CDH12: variants seen among roughly 807,000 people sequenced by gnomAD.
The protein encoded by CDH12 is cadherin 12.
In CDH12, 41 loss-of-function variants were observed where a neutral mutation model predicts 74.1. The observed-to-expected ratio is 0.55, with a 90% CI of 0.43 to 0.72. CDH12 has a LOEUF of 0.72. Among genes scored for constraint, CDH12 ranks in the 30% least tolerant of loss-of-function variants. The probability of loss-of-function intolerance (pLI) is 0.00; values close to 1 mark genes in which losing one functional copy is unlikely to be tolerated. For missense variants in CDH12, 945 were observed against 977.2 expected, an observed-to-expected ratio of 0.97 and a Z score of 0.44; for synonymous variants, 399 against 355.0, an observed-to-expected ratio of 1.12 and a Z score of -1.39.
At chr5:22,287,025 A>G (rs1036184075) in intron 3 of CDH12, among the ~76,000 whole-genome samples, 2 of 152,172 alleles carry the variant, frequency 1.3e-5, no homozygotes, top group African/African-American at 4.8e-5. Flanking sequence ...AGTTGAACAA[A>G]TGTTCCAATG....
intron 1 of CDH12, among the ~76,000 whole-genome samples, chr5:22,735,972 T>A (rs1003268494): frequency 6.6e-6 from 1 of 151,964 alleles, no homozygotes; most frequent in Non-Finnish European, 1.5e-5. Context: ...ACAAATATTA[T>A]TTTGGAATAA....
At chr5:22,120,318 T>C (rs1745432038) in intron 4 of CDH12, among the ~76,000 whole-genome samples, 1 of 152,124 alleles carries the variant, frequency 6.6e-6, no homozygotes, top group Admixed American at 6.6e-5. Context: ...CAAATATACA[T>C]ATTCAGTGGA....
intron 1 of CDH12, among the ~76,000 whole-genome samples, chr5:22,776,675 T>C (rs573298969): frequency 3.9e-5 from 6 of 152,302 alleles, no homozygotes; most frequent in African/African-American, 1.4e-4. Flanking sequence ...AGAACTGTGA[T>C]AAAGACGAGT....
intron 11 of CDH12, among the ~76,000 whole-genome samples, chr5:21,776,214 T>C (rs1329697469): frequency 1.3e-5 from 2 of 152,180 alleles, no homozygotes; most frequent in African/African-American, 4.8e-5. Context: ...CAGTGTGGAA[T>C]AGTTGCTCGT....
chr5:21,960,859 A>C (rs1374574630), intron 6 of CDH12, among the ~76,000 whole-genome samples: 1 of 152,110 alleles, frequency 6.6e-6, no homozygotes, highest in African/African-American at 2.4e-5. Flanking sequence ...ACAAATGTAC[A>C]TATTTAATCA....
At chr5:22,011,205 G>C (rs1737275392) in intron 5 of CDH12, among the ~76,000 whole-genome samples, 1 of 151,974 alleles carries the variant, frequency 6.6e-6, no homozygotes, top group Non-Finnish European at 1.5e-5. Context: ...TCTGGATACT[G>C]GAAATTCTTC....
At chr5:22,640,933 G>A (rs1327251503) in intron 1 of CDH12, among the ~76,000 whole-genome samples, 1 of 152,118 alleles carries the variant, frequency 6.6e-6, no homozygotes, top group African/African-American at 2.4e-5. Context: ...TATTTTAAGA[G>A]CCTCCACTTG....
At chr5:21,872,807 T>G (rs943909403) in intron 6 of CDH12, among the ~76,000 whole-genome samples, 22 of 151,718 alleles carry the variant, frequency 1.5e-4, no homozygotes, top group Admixed American at 3.3e-4. Context: ...TCTATCTATC[T>G]ATCTATCTAT....
intron 1 of CDH12, among the ~76,000 whole-genome samples, chr5:22,745,369 A>G (rs769504544): frequency 6.6e-6 from 1 of 152,180 alleles, no homozygotes; most frequent in Non-Finnish European, 1.5e-5. Flanking sequence ...TTGAAGTTAT[A>G]TAATCTAAAG....
intron 1 of CDH12, among the ~76,000 whole-genome samples, chr5:22,627,445 T>TA (rs34379996): frequency 0.49 from 70,583 of 144,812 alleles, 16,975 homozygotes; most frequent in Admixed American, 0.57. Flanking sequence ...TCACTATTAT[T>TA]AAAAAAAAAA....
At chr5:22,330,445 G>T (rs1269949746) in intron 3 of CDH12, among the ~76,000 whole-genome samples, 1 of 152,004 alleles carries the variant, frequency 6.6e-6, no homozygotes, top group African/African-American at 2.4e-5. Flanking sequence ...TATGGTGAAA[G>T]ACTCCCTATA....
intron 4 of CDH12, among the ~76,000 whole-genome samples, chr5:22,193,379 T>G (rs1465395267): frequency 6.6e-6 from 1 of 152,354 alleles, no homozygotes; most frequent in South Asian, 2.1e-4. Context: ...GCTATGAATG[T>G]TAGATGATGG....
At chr5:22,028,836 G>A (rs138410743) in intron 5 of CDH12, among the ~76,000 whole-genome samples, 2,719 of 152,260 alleles carry the variant, frequency 0.018, 40 homozygotes, top group African/African-American at 0.04. Flanking sequence ...AAAGCTGGAG[G>A]CATCACGCTA....
rs752645141 is a variant in CDH12 at position 21,752,003 on chromosome 5, T to C, written c.2119A>G (p.Met707Val). Residue 707 changes from methionine to valine, a missense_variant, in exon 15 of 15, where the codon ATG (methionine) becomes GTG (valine). By Grantham distance (21) the Met-to-Val change is conservative (BLOSUM62 1). This residue lies in a region of CDH12 where 791 missense variants were observed against 792.8 expected (regional missense o/e 1.00). Transcript: ENST00000382254. The part of the protein sequence containing the change: ...SLCLPRQRPP[M>V]EDNTDIRDFI... Reference sequence around the variant, plus strand: ...TCCCTTATGTCTGTGTTATCTTCCATGGGTGGTCTCTGACGAGGTAAACAG... The same window carrying C: ...TCCCTTATGTCTGTGTTATCTTCCACGGGTGGTCTCTGACGAGGTAAACAG... The C allele has an allele frequency of 2.8e-5, 45 of 1,614,098 alleles. No individual in the cohort carries two copies. Among genetic ancestry groups the C allele is most frequent in the Admixed American group, 2.7e-4 (16 of 59,996 alleles).
intron 1 of CDH12, among the ~76,000 whole-genome samples, chr5:22,698,729 A>AGTGTGTG (rs1561586085): frequency 1.3e-4 from 1 of 7,714 alleles, no homozygotes; most frequent in South Asian, 5.3e-3. Flanking sequence ...ATATATATAT[A>AGTGTGTG]TATATAGTGT....
chr5:22,216,445 C>T (rs189116535), intron 3 of CDH12, among the ~76,000 whole-genome samples: 3 of 152,032 alleles, frequency 2.0e-5, no homozygotes, highest in African/African-American at 7.2e-5. Context: ...GTAGATTCAG[C>T]TATTACCTCC....
chr5:22,406,977 A>C lies in CDH12; in HGVS notation c.-427-1626T>G, dbSNP rs532798401. ...AAAGAATATAAATCAGATCAAATAC[A>C]TTATTTTATTTATACTTGGCTATGG... On this transcript the variant is annotated intron_variant, in intron 2 of 14. Coordinates refer to ENST00000382254, the MANE Select transcript of CDH12 (RefSeq NM_004061.5). Among the ~76,000 whole-genome samples the C allele has an allele frequency of 1.4e-4, 21 of 152,042 alleles. No homozygotes were observed. In the South Asian group the frequency reaches 4.0e-3, roughly 29 times the overall value.
chr5:21,923,032 A>G (rs1157380618), intron 6 of CDH12, among the ~76,000 whole-genome samples: 1 of 152,068 alleles, frequency 6.6e-6, no homozygotes, highest in Non-Finnish European at 1.5e-5. Context: ...ACTCTCCAAT[A>G]GGTCAATTTA....
At chr5:22,738,130 G>C (rs1744835385) in intron 1 of CDH12, among the ~76,000 whole-genome samples, 1 of 151,962 alleles carries the variant, frequency 6.6e-6, no homozygotes, top group Non-Finnish European at 1.5e-5. Context: ...TAGAGCTGGA[G>C]AATGCTACAG....
Sources: gnomAD v4.1 joint callset for allele counts (sites outside exome capture counted in the v4.1 genomes callset) on GRCh38, gnomAD v4.1.1 for gene constraint, gnomAD v4.1.1 regional missense constraint, MANE v1.5 for transcripts, NCBI Gene and HGNC (gene_info 2026-07-23, HGNC 2026-07-21) for gene names.